The following ARMH3 variants were observed in gnomAD, a reference collection of about 807,000 sequenced individuals.
The protein encoded by ARMH3 is armadillo like helical domain containing 3.
A neutral mutation model predicts 99.1 loss-of-function variants in ARMH3; 60 were observed. The observed-to-expected ratio is 0.61, with a 90% CI of 0.49 to 0.75. The LOEUF (loss-of-function observed/expected upper bound fraction) is 0.75. ARMH3 is among the 30% of genes least tolerant of loss of function. ARMH3 has a pLI of 0.00. For missense variants in ARMH3, 679 were observed against 843.1 expected (o/e 0.81, Z 2.41); for synonymous variants, 285 against 292.8 (o/e 0.97, Z 0.27).
At chr10:102,045,129 CAAAAAA>C (rs574856341) in intron 1 of ARMH3, among the ~76,000 whole-genome samples, 1 of 80,766 alleles carries the variant, frequency 1.2e-5, no homozygotes. Context: ...GCCCTTGTCT[CAAAAAA>C]AAAAAAAAAA....
chr10:102,043,662 T>C (rs531695987), intron 1 of ARMH3, among the ~76,000 whole-genome samples: 1 of 152,268 alleles, frequency 6.6e-6, no homozygotes, highest in South Asian at 2.1e-4. Flanking sequence ...AAGAAGCAAA[T>C]ACAGCAAAGG....
chr10:101,889,357 G>T, intron 24 of ARMH3, 55 bp downstream of exon 24: 1 of 1,491,632 alleles, frequency 6.7e-7, no homozygotes, highest in Non-Finnish European at 9.4e-7. Flanking sequence ...CAGAGAGAAG[G>T]CAACTGCTTG....
chr10:102,041,978 A>G (rs2067436353), intron 1 of ARMH3, among the ~76,000 whole-genome samples: 1 of 152,152 alleles, frequency 6.6e-6, no homozygotes, highest in Admixed American at 6.5e-5. Context: ...ACATATCTCT[A>G]CTGAGGCTTA....
At chr10:101,996,719 T>C (rs1021053082) in intron 15 of ARMH3, among the ~76,000 whole-genome samples, 3 of 152,192 alleles carry the variant, frequency 2.0e-5, no homozygotes, top group African/African-American at 7.2e-5. Context: ...TATTTCATTA[T>C]AGACAGTCTT....
chr10:102,025,115 C>T (rs369774035), intron 6 of ARMH3, 41 bp downstream of exon 6: 58 of 1,502,932 alleles, frequency 3.9e-5, no homozygotes, highest in Non-Finnish European at 5.1e-5. Context: ...AGGATTGCCC[C>T]TCCTGTCAAT....
At chr10:102,008,837 T>C (rs951617460) in intron 13 of ARMH3, among the ~76,000 whole-genome samples, 31 of 152,156 alleles carry the variant, frequency 2.0e-4, no homozygotes, top group African/African-American at 7.5e-4. Context: ...AGTGCTGGGA[T>C]TACAGGCGTG....
At chr10:101,883,986 T>TCACACACACACACACA (rs140583795) in intron 24 of ARMH3, among the ~76,000 whole-genome samples, 10 of 145,460 alleles carry the variant, frequency 6.9e-5, no homozygotes, top group African/African-American at 2.0e-4. Context: ...GAGGGAGATC[T>TCACACACACACACACA]CACACACACA....
At chr10:101,852,759 A>T (rs1564689286) in intron 24 of ARMH3, among the ~76,000 whole-genome samples, 1 of 151,990 alleles carries the variant, frequency 6.6e-6, no homozygotes, top group Non-Finnish European at 1.5e-5. Context: ...GTCTCAAAAA[A>T]AAAAAAGAAA....
rs563385011 is a variant in ARMH3, at chr10:102,045,836, T to C, written c.-11-5711A>G. Among the ~76,000 whole-genome samples the C allele has an allele frequency of 7.9e-5, 12 of 152,332 alleles. No individual in the cohort carries two copies. In the South Asian group the frequency reaches 2.1e-3, roughly 26 times the overall value. On this transcript the variant is annotated intron_variant, in intron 1 of 25. Transcript: ENST00000370033. ...AGGGCCAGGCGCGGTGGCTCACACC[T>C]GTAATCCCAGCACTTTGGGAGGCCG...
intron 23 of ARMH3, among the ~76,000 whole-genome samples, chr10:101,906,716 C>T (rs1466193357): frequency 6.6e-6 from 1 of 152,070 alleles, no homozygotes; most frequent in Non-Finnish European, 1.5e-5. Flanking sequence ...AGGGGTAGGG[C>T]AATAAGGCAT....
chr10:102,046,031 G>T (rs1170887578), intron 1 of ARMH3, among the ~76,000 whole-genome samples: 1 of 152,002 alleles, frequency 6.6e-6, no homozygotes, highest in East Asian at 1.9e-4. Flanking sequence ...GGTGGAGGAG[G>T]TTACAGTGAG....
intron 23 of ARMH3, among the ~76,000 whole-genome samples, chr10:101,927,451 A>C (rs187322673): frequency 6.1e-4 from 93 of 152,258 alleles, no homozygotes; most frequent in African/African-American, 2.1e-3. Context: ...TTCTTCTCCA[A>C]TGTTCTTGGC....
At chr10:102,006,352 G>GA in intron 14 of ARMH3, among the ~76,000 whole-genome samples, 188 bp downstream of exon 14, 1 of 152,218 alleles carries the variant, frequency 6.6e-6, no homozygotes, top group East Asian at 1.9e-4. Flanking sequence ...CTTTTACAGA[G>GA]AAAATCACTG....
At chr10:101,975,387 TA>T in intron 19 of ARMH3, 87 bp from the exon 20 acceptor site, 1 of 999,530 alleles carries the variant, frequency 1.0e-6, no homozygotes. Context: ...CCAGCTTTGC[TA>T]AGGCCACTAA....
chr10:101,967,715 C>A (rs890348717), intron 20 of ARMH3, among the ~76,000 whole-genome samples: 2 of 152,106 alleles, frequency 1.3e-5, no homozygotes, highest in African/African-American at 2.4e-5. Flanking sequence ...CCAGCCTGGG[C>A]TACAGAGCAA....
At chr10:101,950,713 G>A (rs542585568) in intron 22 of ARMH3, among the ~76,000 whole-genome samples, 5 of 152,314 alleles carry the variant, frequency 3.3e-5, no homozygotes, top group Admixed American at 2.0e-4. Flanking sequence ...ACCACATATT[G>A]TATGATTTCA....
chr10:101,883,905 A>G (rs2067476029), intron 24 of ARMH3, among the ~76,000 whole-genome samples: 1 of 151,942 alleles, frequency 6.6e-6, no homozygotes, highest in Non-Finnish European at 1.5e-5. Flanking sequence ...AGATGGAAGG[A>G]TCACTTGAAC....
At chr10:101,945,291 A>G (rs964557541) in intron 22 of ARMH3, among the ~76,000 whole-genome samples, 3 of 152,212 alleles carry the variant, frequency 2.0e-5, no homozygotes, top group African/African-American at 7.2e-5. Context: ...CTGGAGAAAG[A>G]AATTGAGAGG....
At chr10:101,930,049 A>G (rs940767767) in intron 23 of ARMH3, among the ~76,000 whole-genome samples, 2 of 152,336 alleles carry the variant, frequency 1.3e-5, no homozygotes, top group African/African-American at 4.8e-5. Flanking sequence ...TTCAGATTTC[A>G]GATTTTCAGA....
Sources: gnomAD v4.1 joint callset for allele counts (sites outside exome capture counted in the v4.1 genomes callset) on GRCh38, gnomAD v4.1.1 for gene constraint, MANE v1.5 for transcripts, NCBI Gene and HGNC (gene_info 2026-07-23, HGNC 2026-07-21) for gene names.